The following KCTD16 variants were observed in gnomAD, a reference collection of about 807,000 sequenced individuals.
KCTD16 encodes the protein BTB/POZ domain-containing protein KCTD16.
A neutral mutation model predicts 33.2 loss-of-function variants in KCTD16; 13 were observed. The observed-to-expected ratio is 0.39, with a 90% CI of 0.25 to 0.62. The LOEUF (loss-of-function observed/expected upper bound fraction) is 0.62. Ranked by LOEUF, KCTD16 falls within the 20% of genes least tolerant of loss-of-function variation. KCTD16 has a pLI of 0.50. For missense variants in KCTD16, 441 were observed against 525.1 expected, an observed-to-expected ratio of 0.84 and a Z score of 1.57; for synonymous variants, 197 against 195.3, an observed-to-expected ratio of 1.01 and a Z score of -0.07.
chr5:144,221,882 A>G (rs1434411175), intron 3 of KCTD16, among the ~76,000 whole-genome samples: 2 of 152,196 alleles, frequency 1.3e-5, no homozygotes, highest in African/African-American at 4.8e-5. Context: ...CACTCCCATC[A>G]ACAGTGTAAA....
At chr5:144,371,139 G>T (rs577940787) in intron 3 of KCTD16, among the ~76,000 whole-genome samples, 144 of 152,166 alleles carry the variant, frequency 9.5e-4, no homozygotes, top group African/African-American at 3.3e-3. Context: ...TAAGATCTAA[G>T]TTTGGGTGGT....
rs368957124 is a variant in KCTD16 at position 144,479,365 on chromosome 5, C to CAAAAAAAAAAAAAAAAAAAAAAAAAAAAA, written c.*5267_*5268insAAAAAAAAAAAAAAAAAAAAAAAAAAAAA. 1 of 92,480 alleles carries CAAAAAAAAAAAAAAAAAAAAAAAAAAAAA rather than the reference C, an allele frequency of 1.1e-5. No individual in the cohort carries two copies. The highest frequency in any genetic ancestry group is 5.0e-5 in the African/African-American group (1 of 20,130). The allele number at this position is 92,480 out of a possible 1,614,324, so 5.7% of individuals were successfully genotyped here. On this transcript the variant is annotated 3_prime_UTR_variant, in exon 4 of 4. Transcript: ENST00000512467. ...CCAAACTGATGTGTAAGAATAAATG[C>CAAAAAAAAAAAAAAAAAAAAAAAAAAAAA]AAAAAAAAAAAAAAAAGAAAAAGAA...
chr5:144,294,315 GACTT>G lies in KCTD16; in HGVS notation c.832+86774_832+86777del, dbSNP rs560911841. 1.2e-4 allele frequency among the ~76,000 whole-genome samples: 18 copies of G among 152,184 alleles called. No homozygotes were observed. The East Asian group carries it at 3.3e-3, about 28-fold the overall frequency. ...TTTAATGAATTTTTAAACAGCTATT[GACTT>G]ACTTTCAGTTGATACTAATCAAAGA... On this transcript the variant is annotated intron_variant, in intron 3 of 3. Transcript: ENST00000512467.
At chr5:144,236,066 C>T (rs1754244604) in intron 3 of KCTD16, among the ~76,000 whole-genome samples, 2 of 152,066 alleles carry the variant, frequency 1.3e-5, no homozygotes, top group South Asian at 4.1e-4. Flanking sequence ...CATTAGACAA[C>T]AAAGCATCTA....
chr5:144,459,217 G>T, intron 3 of KCTD16, among the ~76,000 whole-genome samples: 1 of 152,154 alleles, frequency 6.6e-6, no homozygotes, highest in Admixed American at 6.5e-5. Context: ...TGGGAATCTG[G>T]AAATCTATGT....
chr5:144,178,199 T>C (rs960016195), intron 2 of KCTD16, among the ~76,000 whole-genome samples: 2 of 152,238 alleles, frequency 1.3e-5, no homozygotes, highest in Non-Finnish European at 2.9e-5. Flanking sequence ...AAGGAAACTC[T>C]TAATGTCTAC....
intron 3 of KCTD16, among the ~76,000 whole-genome samples, chr5:144,334,255 A>G (rs1752424953): frequency 6.6e-6 from 1 of 152,168 alleles, no homozygotes; most frequent in Non-Finnish European, 1.5e-5. Context: ...TGGAAGTTCA[A>G]ATTCTTGGAC....
At chr5:144,171,765 G>C (rs1480121145) in intron 1 of KCTD16, among the ~76,000 whole-genome samples, 1 of 152,190 alleles carries the variant, frequency 6.6e-6, no homozygotes, top group Non-Finnish European at 1.5e-5. Flanking sequence ...TAACAGGAAG[G>C]GGCCAGGAAA....
intron 3 of KCTD16, among the ~76,000 whole-genome samples, chr5:144,339,374 T>C (rs1202160778): frequency 6.6e-6 from 1 of 152,210 alleles, no homozygotes; most frequent in Non-Finnish European, 1.5e-5. Context: ...ACAACTATTA[T>C]TCGATCACTG....
At chr5:144,229,509 C>T (rs1186166758) in intron 3 of KCTD16, among the ~76,000 whole-genome samples, 1 of 152,134 alleles carries the variant, frequency 6.6e-6, no homozygotes, top group African/African-American at 2.4e-5. Flanking sequence ...GTTAGGAGTA[C>T]TCAAAGATCA....
intron 3 of KCTD16, among the ~76,000 whole-genome samples, chr5:144,254,732 T>G (rs1253038570): frequency 2.0e-5 from 3 of 152,158 alleles, no homozygotes; most frequent in Non-Finnish European, 2.9e-5. Context: ...ACCTTGAGTG[T>G]TTTACATACC....
chr5:144,205,247 G>A (rs1307191118), intron 2 of KCTD16: 4 of 296,140 alleles, frequency 1.4e-5, no homozygotes, highest in Middle Eastern at 8.8e-4. Context: ...CCGGAGCGCG[G>A]CGTCCCCGTG....
At chr5:144,472,295 G>A (rs1754494225) in intron 3 of KCTD16, among the ~76,000 whole-genome samples, 1 of 152,180 alleles carries the variant, frequency 6.6e-6, no homozygotes, top group African/African-American at 2.4e-5. Flanking sequence ...ATAGTATTAA[G>A]TTTATGACTC....
At chr5:144,381,939 A>G (rs979582873) in intron 3 of KCTD16, among the ~76,000 whole-genome samples, 6 of 152,202 alleles carry the variant, frequency 3.9e-5, no homozygotes, top group African/African-American at 1.4e-4. Flanking sequence ...TGTTCATTGC[A>G]GCACTATTTA....
At chr5:144,286,652 T>C (rs1234528159) in intron 3 of KCTD16, among the ~76,000 whole-genome samples, 1 of 152,232 alleles carries the variant, frequency 6.6e-6, no homozygotes, top group Admixed American at 6.5e-5. Flanking sequence ...CATTGTACTT[T>C]TGAGTATGTC....
In KCTD16 at chr5:144,441,774, T is replaced by C. The variant is rs980361970; in HGVS notation, c.833-31886T>C. Among the ~76,000 whole-genome samples, 141 of 125,092 alleles carry C rather than the reference T, an allele frequency of 1.1e-3. No individual in the cohort carries two copies. The East Asian group carries it at 0.018, about 16-fold the overall frequency. The allele number at this position is 125,092 out of a possible 152,430, so 82.1% of individuals were successfully genotyped here. ...GGATATATGAGTTCTCTAAATTTGT[T>C]TTTTTTTTTTTAAGATTTCTTTCAG... is the stretch of plus-strand genomic sequence containing the variant. On this transcript the variant is annotated intron_variant, in intron 3 of 3. Transcript: ENST00000512467.
chr5:144,239,656 T>C (rs1172762875), intron 3 of KCTD16, among the ~76,000 whole-genome samples: 2 of 152,140 alleles, frequency 1.3e-5, no homozygotes, highest in African/African-American at 4.8e-5. Context: ...GCCTACTTTG[T>C]GCTCAGCATT....
At chr5:144,263,001 T>C (rs1285739208) in intron 3 of KCTD16, among the ~76,000 whole-genome samples, 3 of 152,186 alleles carry the variant, frequency 2.0e-5, no homozygotes, top group Non-Finnish European at 4.4e-5. Context: ...CTGGTGACTA[T>C]ATATAATGGA....
intron 2 of KCTD16, among the ~76,000 whole-genome samples, chr5:144,177,037 C>T (rs542235633): frequency 6.6e-6 from 1 of 152,126 alleles, no homozygotes; most frequent in South Asian, 2.1e-4. Context: ...TTAATTAGGT[C>T]CCACTTGTCA....
Sources: gnomAD v4.1 joint callset for allele counts (sites outside exome capture counted in the v4.1 genomes callset) on GRCh38, gnomAD v4.1.1 for gene constraint, MANE v1.5 for transcripts, NCBI Gene and HGNC (gene_info 2026-07-23, HGNC 2026-07-21) for gene names.